The following TGFBR3 variants were observed in gnomAD, a reference collection of about 807,000 sequenced individuals.
TGFBR3 encodes transforming growth factor beta receptor 3, also known as transforming growth factor beta receptor type 3.
In TGFBR3, 46 loss-of-function variants were observed where a neutral mutation model predicts 87.9. The ratio of observed to expected loss-of-function variants is 0.52; its 90% CI spans 0.41 to 0.67. The LOEUF (loss-of-function observed/expected upper bound fraction) is 0.67. Among genes scored for constraint, TGFBR3 ranks in the 30% least tolerant of loss-of-function variants. The pLI is 0.00. For missense variants in TGFBR3, 866 were observed against 1,041.9 expected (o/e 0.83, Z 2.32); for synonymous variants, 381 against 391.6 (o/e 0.97, Z 0.32).
At chr1:91,770,767 T>A (rs1328529810) in intron 3 of TGFBR3, 2 of 152,178 alleles carry the variant, frequency 1.3e-5, no homozygotes, top group Non-Finnish European at 2.9e-5. Flanking sequence ...TAGTGAGAAA[T>A]CTGTAACTTA....
At chr1:91,786,183 T>C in intron 3 of TGFBR3, 1 of 456,142 alleles carries the variant, frequency 2.2e-6, no homozygotes, top group Non-Finnish European at 4.4e-6. Context: ...GCAGAGCACC[T>C]ACCTAGCACA....
At chr1:91,770,592 T>G (rs930970527) in intron 3 of TGFBR3, among the ~76,000 whole-genome samples, 6 of 152,210 alleles carry the variant, frequency 3.9e-5, no homozygotes, top group Non-Finnish European at 7.3e-5. Flanking sequence ...TATAGGAACT[T>G]GTTCTTTTTA....
chr1:91,792,813 C>A (rs1305191732), intron 3 of TGFBR3, among the ~76,000 whole-genome samples: 1 of 152,200 alleles, frequency 6.6e-6, no homozygotes, highest in Non-Finnish European at 1.5e-5. Flanking sequence ...GACACTGGTC[C>A]TCACTTGCTC....
At chr1:91,738,896 A>G (rs1673052697) in intron 4 of TGFBR3, among the ~76,000 whole-genome samples, 1 of 152,226 alleles carries the variant, frequency 6.6e-6, no homozygotes, top group African/African-American at 2.4e-5. Context: ...CAGCCAGAGG[A>G]GCACAATAAG....
intron 2 of TGFBR3, among the ~76,000 whole-genome samples, chr1:91,893,235 T>G (rs1035346158): frequency 4.7e-4 from 72 of 152,198 alleles, no homozygotes; most frequent in African/African-American, 1.7e-3. Context: ...GTAACATTTC[T>G]TGAGTTTCTT....
At chr1:91,685,418 G>C (rs1420519170) in intron 16 of TGFBR3, among the ~76,000 whole-genome samples, 1 of 151,016 alleles carries the variant, frequency 6.6e-6, no homozygotes, top group African/African-American at 2.4e-5. Flanking sequence ...CACCCCCCGG[G>C]TTCAAGCAAT....
At position 91,766,622 on chromosome 1, in the gene TGFBR3, T is replaced by C. The variant is rs748315014; in HGVS notation, c.247-7872A>G. 5.7e-5 allele frequency among the ~76,000 whole-genome samples: 7 copies of C among 123,852 alleles called. 2 individuals carry two copies. The highest frequency in any genetic ancestry group is 1.2e-4 in the Non-Finnish European group (7 of 56,454). The allele number at this position is 123,852 out of a possible 152,430, so 81.3% of individuals were successfully genotyped here. ...AGTCAGAGATTGAAGCTGTCCTCAC[T>C]GGGTTAACAAGAATTCCGGACAGAA... On this transcript the variant is annotated intron_variant, in intron 3 of 16. Transcript: ENST00000212355.
At chr1:91,792,381 C>G (rs974607486) in intron 3 of TGFBR3, among the ~76,000 whole-genome samples, 2 of 152,154 alleles carry the variant, frequency 1.3e-5, no homozygotes, top group African/African-American at 4.8e-5. Context: ...GCCTCCTGAT[C>G]CCCACTCCAC....
At chr1:91,873,712 C>T (rs558063332) in intron 1 of TGFBR3, among the ~76,000 whole-genome samples, 1 of 152,100 alleles carries the variant, frequency 6.6e-6, no homozygotes, top group Non-Finnish European at 1.5e-5. Context: ...TTTGGGAGGC[C>T]AAGGCGGGTG....
intron 1 of TGFBR3, among the ~76,000 whole-genome samples, chr1:91,873,431 T>C (rs955154803): frequency 2.6e-5 from 4 of 151,614 alleles, no homozygotes; most frequent in African/African-American, 4.8e-5. Flanking sequence ...TACAGGTGCC[T>C]GCCACCACGC....
At chr1:91,894,915 T>A (rs6604063) in intron 2 of TGFBR3, among the ~76,000 whole-genome samples, 1 of 152,078 alleles carries the variant, frequency 6.6e-6, no homozygotes, top group Non-Finnish European at 1.5e-5. Flanking sequence ...GGACTACAGG[T>A]ATGTACCACC....
intron 14 of TGFBR3, among the ~76,000 whole-genome samples, chr1:91,707,044 C>T (rs143889429): frequency 5.1e-4 from 78 of 152,286 alleles, no homozygotes; most frequent in Middle Eastern, 6.8e-3. Flanking sequence ...AACTTTAGGA[C>T]GGCCAGAAAA....
intron 9 of TGFBR3, 79 bp downstream of exon 9, chr1:91,719,814 G>C (rs1672297871): frequency 1.3e-6 from 2 of 1,500,068 alleles, no homozygotes; most frequent in Admixed American, 3.4e-5. Context: ...AAAGAGATAG[G>C]GAGAAATTAC....
At position 91,681,878 on chromosome 1, in the gene TGFBR3, C is replaced by T. The variant is rs1181935422; in HGVS notation, c.*1861G>A. On this transcript the variant is annotated 3_prime_UTR_variant, in exon 17 of 17. Coordinates refer to ENST00000212355, the MANE Select transcript of TGFBR3 (RefSeq NM_003243.5). ...AAACACAGGTAGCGTAATCTAGGTC[C>T]TCCACTCTGATACCCTTCTGTTAAA... 2.2e-6 allele frequency: 1 copy of T among 452,388 alleles called. No individual in the cohort carries two copies. The highest frequency in any genetic ancestry group is 4.4e-6 in the Non-Finnish European group (1 of 226,446). 28.0% of individuals were successfully genotyped at this position (452,388 alleles called of 1,614,324 possible). A position where few individuals can be genotyped will look rare whatever the true frequency, so the allele number is the denominator to read the frequency against.
At chr1:91,752,481 T>C (rs1051292956) in intron 4 of TGFBR3, among the ~76,000 whole-genome samples, 18 of 152,204 alleles carry the variant, frequency 1.2e-4, no homozygotes, top group African/African-American at 4.3e-4. Context: ...GTGAATGAGG[T>C]TGGAAGAAGC....
At chr1:91,709,433 G>T (rs1671904611) in intron 13 of TGFBR3, among the ~76,000 whole-genome samples, 1 of 152,224 alleles carries the variant, frequency 6.6e-6, no homozygotes, top group Admixed American at 6.5e-5. Context: ...CAGAATGGTT[G>T]TATGGGGACT....
At chr1:91,834,540 C>T (rs1571556713) in intron 2 of TGFBR3, among the ~76,000 whole-genome samples, 1 of 152,182 alleles carries the variant, frequency 6.6e-6, no homozygotes, top group East Asian at 1.9e-4. Context: ...CACCTACTAC[C>T]TAAAGTGCCA....
intron 4 of TGFBR3, among the ~76,000 whole-genome samples, chr1:91,752,010 G>A (rs966689050): frequency 6.6e-6 from 1 of 152,156 alleles, no homozygotes; most frequent in Non-Finnish European, 1.5e-5. Flanking sequence ...TAGAAATGAG[G>A]AAACGAGGTC....
At chr1:91,703,929 T>C (rs1671705479) in intron 14 of TGFBR3, among the ~76,000 whole-genome samples, 1 of 152,180 alleles carries the variant, frequency 6.6e-6, no homozygotes, top group Non-Finnish European at 1.5e-5. Context: ...TCTTAATCCT[T>C]TGGGTGAACA....
Sources: allele counts gnomAD v4.1 joint callset (sites outside exome capture counted in the v4.1 genomes callset), GRCh38; gene constraint gnomAD v4.1.1; transcripts MANE v1.5; gene names NCBI Gene and HGNC (gene_info 2026-07-23, HGNC 2026-07-21).